The following PDCD6IP variants were observed in gnomAD, a reference collection of about 807,000 sequenced individuals.
The protein encoded by PDCD6IP is programmed cell death 6 interacting protein.
In PDCD6IP, 43 loss-of-function variants were observed where a neutral mutation model predicts 103.7. That is an observed-to-expected ratio of 0.41 (90% CI 0.32 to 0.53). The LOEUF is 0.53. Ranked by LOEUF, PDCD6IP falls within the 20% of genes least tolerant of loss-of-function variation. PDCD6IP has a pLI of 0.16. For missense variants in PDCD6IP, 871 were observed against 1,036.7 expected, an observed-to-expected ratio of 0.84 and a Z score of 2.20; for synonymous variants, 354 against 378.7, an observed-to-expected ratio of 0.93 and a Z score of 0.76.
intron 3 of PDCD6IP, among the ~76,000 whole-genome samples, chr3:33,817,659 G>A (rs569502653): frequency 6.6e-6 from 1 of 151,844 alleles, no homozygotes; most frequent in Non-Finnish European, 1.5e-5. Flanking sequence ...GGGTTGAGGT[G>A]AGAGGATTGC....
In PDCD6IP at chr3:33,864,182, C is replaced by T. The variant is rs1559800757; in HGVS notation, c.2244+53C>T. The T allele has an allele frequency of 5.7e-6, 6 of 1,046,730 alleles. No homozygotes were observed. The East Asian group carries it at 1.2e-4, about 21-fold the overall frequency. 64.8% of individuals were successfully genotyped at this position (1,046,730 alleles called of 1,614,324 possible). The stretch of plus-strand genomic sequence containing the variant: ...AGAGGTTTTACATTAACGATGATTA[C>T]TTGTTCTAACGGATAAAACATGATT... On this transcript the variant is annotated intron_variant, in intron 16 of 17. Transcript: ENST00000307296.
chr3:33,822,355 A>G (rs1309823927), intron 4 of PDCD6IP, among the ~76,000 whole-genome samples: 1 of 152,206 alleles, frequency 6.6e-6, no homozygotes, highest in Non-Finnish European at 1.5e-5. Context: ...AAATTATGAA[A>G]TGTCTGAGAT....
chr3:33,862,807 A>C (rs973531057), intron 15 of PDCD6IP, among the ~76,000 whole-genome samples: 1 of 152,216 alleles, frequency 6.6e-6, no homozygotes, highest in African/African-American at 2.4e-5. Flanking sequence ...TTTTCTGATA[A>C]CTTTTAGATA....
rs1698070761 is a variant in PDCD6IP, at chr3:33,866,575, C to T, written c.*50C>T. On this transcript the variant is annotated 3_prime_UTR_variant, in exon 18 of 18. Coordinates refer to ENST00000307296, the MANE Select transcript of PDCD6IP (RefSeq NM_013374.6). Reference sequence around the variant, plus strand: ...ATTCAGATCAGAGGGAAAGAAATACCAACCCTGCAATAAGTGTACTAAACT... The same window carrying T: ...ATTCAGATCAGAGGGAAAGAAATACTAACCCTGCAATAAGTGTACTAAACT... 2.1e-6 allele frequency: 3 copies of T among 1,418,484 alleles called. No individual in the cohort carries two copies. The highest frequency in any genetic ancestry group is 1.8e-4 in the Middle Eastern group (1 of 5,536). 87.9% of individuals were successfully genotyped at this position (1,418,484 alleles called of 1,614,324 possible).
At chr3:33,817,316 G>A (rs969545843) in intron 3 of PDCD6IP, among the ~76,000 whole-genome samples, 2 of 152,186 alleles carry the variant, frequency 1.3e-5, no homozygotes, top group African/African-American at 4.8e-5. Flanking sequence ...GAATGTTTAT[G>A]TAGTTATTTG....
chr3:33,819,454 T>C (rs139859392), intron 3 of PDCD6IP, among the ~76,000 whole-genome samples: 1 of 152,224 alleles, frequency 6.6e-6, no homozygotes, highest in Non-Finnish European at 1.5e-5. Context: ...TTTATTTTGC[T>C]GCAGGCTTTT....
At chr3:33,859,978 A>G (rs1186498510) in intron 15 of PDCD6IP, among the ~76,000 whole-genome samples, 2 of 152,216 alleles carry the variant, frequency 1.3e-5, no homozygotes, top group African/African-American at 4.8e-5. Context: ...CTGTGCAGCT[A>G]TTTTAAAAAT....
intron 4 of PDCD6IP, among the ~76,000 whole-genome samples, chr3:33,822,662 T>C (rs902405498): frequency 5.3e-5 from 8 of 152,150 alleles, no homozygotes; most frequent in African/African-American, 1.7e-4. Context: ...ATTTTATTTA[T>C]TTATTTATTT....
chr3:33,813,675 T>G, intron 3 of PDCD6IP, 47 bp downstream of exon 3: 1 of 1,057,620 alleles, frequency 9.5e-7, no homozygotes, highest in Non-Finnish European at 1.5e-6. Context: ...TCTAACTACT[T>G]TGCATTGTTT....
At position 33,825,176 on chromosome 3, in the gene PDCD6IP, C is replaced by A. The variant is rs1440273101; in HGVS notation, c.463-11C>A. 8 of 1,598,836 alleles carry A rather than the reference C, an allele frequency of 5.0e-6. No homozygotes were observed. The African/African-American group carries it at 5.4e-5, about 11-fold the overall frequency. On this transcript the variant is annotated splice_polypyrimidine_tract_variant and intron_variant, in intron 4 of 17. Transcript: ENST00000307296. ...GAGTTCCTATAAAGAAATTCTTTTT[C>A]CCCCCTTTAGTTTGCTAGTGGTGCC...
intron 1 of PDCD6IP, among the ~76,000 whole-genome samples, chr3:33,800,436 C>G (rs1188972222): frequency 6.6e-6 from 1 of 152,026 alleles, no homozygotes; most frequent in Non-Finnish European, 1.5e-5. Flanking sequence ...AGTCATCCAG[C>G]CGGTTTAATT....
intron 12 of PDCD6IP, among the ~76,000 whole-genome samples, chr3:33,850,551 C>T (rs1413396952): frequency 6.6e-6 from 1 of 152,012 alleles, no homozygotes; most frequent in Non-Finnish European, 1.5e-5. Context: ...ATTATGCATA[C>T]ATATGTATAC....
intron 9 of PDCD6IP, 111 bp from the exon 10 acceptor site, chr3:33,841,786 A>G (rs1697480849): frequency 1.3e-6 from 1 of 752,708 alleles, no homozygotes; most frequent in East Asian, 2.6e-5. Context: ...TCTGGGTGCT[A>G]ACTCCATTGC....
chr3:33,867,330 G>A lies in PDCD6IP; in HGVS notation c.*805G>A, dbSNP rs193140169. ...TAATGTTTTATTGTTAGCTTCTCCA[G>A]AAAATTGATGCAAATTCTGGTAATA... On this transcript the variant is annotated 3_prime_UTR_variant, in exon 18 of 18. Coordinates refer to ENST00000307296, the MANE Select transcript of PDCD6IP (RefSeq NM_013374.6). The A allele has an allele frequency of 2.6e-5, 4 of 152,250 alleles. No individual in the cohort carries two copies. In the East Asian group the frequency reaches 7.7e-4, roughly 29 times the overall value. 9.4% of individuals were successfully genotyped at this position (152,250 alleles called of 1,614,324 possible). A position where few individuals can be genotyped will look rare whatever the true frequency, so the allele number is the denominator to read the frequency against.
intron 3 of PDCD6IP, among the ~76,000 whole-genome samples, chr3:33,814,507 G>A (rs1269442449): frequency 7.1e-6 from 1 of 141,410 alleles, no homozygotes; most frequent in Non-Finnish European, 1.6e-5. Context: ...TAGCTGCAAT[G>A]AATAATTATA....
rs564109408 is a variant in PDCD6IP, at chr3:33,799,358, G to A, written c.209+421G>A. ...TCATAATAGTAGTTGCTTGAAGGCA[G>A]TGGGGGAAGTGGGGGAATTGGGACA... On this transcript the variant is annotated intron_variant, in intron 1 of 17. Coordinates refer to ENST00000307296, the MANE Select transcript of PDCD6IP (RefSeq NM_013374.6). The A allele has an allele frequency of 9.4e-4, 152 of 161,806 alleles. No individual in the cohort carries two copies. In the South Asian group the frequency reaches 9.9e-3, roughly 11 times the overall value. The allele number at this position is 161,806 out of a possible 1,614,324, so 10.0% of individuals were successfully genotyped here. A position where few individuals can be genotyped will look rare whatever the true frequency, so the allele number is the denominator to read the frequency against.
chr3:33,862,143 A>G (rs1282741856), intron 15 of PDCD6IP, among the ~76,000 whole-genome samples: 1 of 152,126 alleles, frequency 6.6e-6, no homozygotes, highest in Non-Finnish European at 1.5e-5. Context: ...TAATATACGT[A>G]TATATTTTAG....
At chr3:33,816,923 G>A (rs941712328) in intron 3 of PDCD6IP, among the ~76,000 whole-genome samples, 1 of 152,110 alleles carries the variant, frequency 6.6e-6, no homozygotes, top group African/African-American at 2.4e-5. Flanking sequence ...CAGAAGAACT[G>A]GGAAGCAAAA....
chr3:33,854,988 G>C, intron 14 of PDCD6IP, 178 bp from the exon 15 acceptor site: 1 of 379,606 alleles, frequency 2.6e-6, no homozygotes, highest in East Asian at 4.3e-5. Context: ...TTTTCTTTAG[G>C]AGTCTTAGAT....
Sources: allele counts gnomAD v4.1 joint callset (sites outside exome capture counted in the v4.1 genomes callset), GRCh38; gene constraint gnomAD v4.1.1; transcripts MANE v1.5; gene names NCBI Gene and HGNC (gene_info 2026-07-23, HGNC 2026-07-21).